Variants in GPN1 observed in about 807,000 individuals in gnomAD.
GPN1 encodes the protein GPN-loop GTPase 1.
Under a neutral mutation model 55.9 loss-of-function variants are expected in GPN1, and 44 were observed. The observed-to-expected ratio is 0.79, with a 90% CI of 0.62 to 1.01. The LOEUF (loss-of-function observed/expected upper bound fraction) is 1.01. GPN1 is among the 50% of genes least tolerant of loss of function. The probability of loss-of-function intolerance (pLI) is 0.00; values close to 1 mark genes in which losing one functional copy is unlikely to be tolerated. For synonymous variants in GPN1, 179 were observed against 162.5 expected, an observed-to-expected ratio of 1.10 and a Z score of -0.77; for missense variants, 466 against 462.8, an observed-to-expected ratio of 1.01 and a Z score of -0.06.
chr2:27,638,122 GT>G, intron 7 of GPN1, 87 bp from the exon 8 acceptor site: 2 of 745,376 alleles, frequency 2.7e-6, no homozygotes. Context: ...ACTCATTTCT[GT>G]TCTCTTACTT....
intron 13 of GPN1, among the ~76,000 whole-genome samples, chr2:27,648,675 G>T (rs1212718267): frequency 6.6e-6 from 1 of 152,128 alleles, no homozygotes; most frequent in Admixed American, 6.5e-5. Context: ...TTGCTTCATT[G>T]CCCAGGCTGG....
intron 5 of GPN1, among the ~76,000 whole-genome samples, chr2:27,633,015 T>G (rs1221125102): frequency 6.6e-6 from 1 of 152,242 alleles, no homozygotes; most frequent in Non-Finnish European, 1.5e-5. Flanking sequence ...ATGAATATAG[T>G]CTACATGGTT....
chr2:27,631,548 A>C lies in GPN1; in HGVS notation c.246-286A>C. On this transcript the variant is annotated intron_variant, in intron 3 of 13. Coordinates refer to ENST00000610189, the MANE Select transcript of GPN1 (RefSeq NM_007266.4). ...CCGGAGGTGTTATACAGGTGGCCTT[A>C]ATGACCAATGCCAGTGGGCTGTCAC... The C allele has an allele frequency of 5.7e-6, 3 of 522,038 alleles. No individual in the cohort carries two copies. The Admixed American group carries it at 1.0e-4, about 18-fold the overall frequency. 32.3% of individuals were successfully genotyped at this position (522,038 alleles called of 1,614,324 possible).
rs1439417585 is a variant in GPN1, at chr2:27,629,755, G to C, written c.112-104G>C. 4.2e-6 allele frequency: 3 copies of C among 709,676 alleles called. No homozygotes were observed. In the African/African-American group the frequency reaches 5.3e-5, roughly 13 times the overall value. The allele number at this position is 709,676 out of a possible 1,614,324, so 44.0% of individuals were successfully genotyped here. ...GACATGGTGGATATTTCAGGTAGAA[G>C]AAAATCTAAGTGCAATATTCTTAAG... On this transcript the variant is annotated intron_variant, in intron 1 of 13. Coordinates refer to ENST00000610189, the MANE Select transcript of GPN1 (RefSeq NM_007266.4).
upstream of GPN1, chr2:27,628,269 C>T: frequency 2.1e-6 from 2 of 952,150 alleles, no homozygotes; most frequent in South Asian, 1.7e-5. Flanking sequence ...TACAAAGGGT[C>T]ACAGAAACAG....
chr2:27,638,073 A>G (rs920815648), intron 7 of GPN1, 137 bp from the exon 8 acceptor site: 1 of 606,346 alleles, frequency 1.6e-6, no homozygotes, highest in African/African-American at 1.9e-5. Context: ...AGACTATATG[A>G]TGTTATGTAA....
intron 13 of GPN1, among the ~76,000 whole-genome samples, chr2:27,648,804 T>C (rs1315817812): frequency 6.6e-6 from 1 of 152,000 alleles, no homozygotes; most frequent in East Asian, 2.0e-4. Context: ...GCTGGTTAAT[T>C]TTTTATATTT....
intron 7 of GPN1, 105 bp downstream of exon 7, chr2:27,635,339 A>G: frequency 1.7e-6 from 1 of 584,706 alleles, no homozygotes; most frequent in East Asian, 2.9e-5. Context: ...TTACCCCTGG[A>G]TTTGTGCTCA....
At chr2:27,628,585 AGACTGCACCCTGCT>A, upstream of GPN1, 1 of 1,551,548 alleles carries the variant, frequency 6.4e-7, no homozygotes. Flanking sequence ...GCAACCCTGG[AGACTGCACCCTGCT>A]CCAGTCCCGG....
In GPN1 at chr2:27,650,131, T is replaced by C. The variant is rs1674455226; in HGVS notation, c.1056T>C (p.His352=). 5.6e-6 allele frequency: 9 copies of C among 1,601,276 alleles called. No individual in the cohort carries two copies. Among genetic ancestry groups the C allele is most frequent in the Non-Finnish European group, 7.7e-6 (9 of 1,168,484 alleles). Residue 352 remains histidine (H), a synonymous_variant, in exon 14 of 14, where the codon CAT becomes CAC. Transcript: ENST00000610189. The part of the protein sequence containing the change: ...DIDHRVTEES[H]EEPAFQNFMQ... ...TCCTTGCAGTTACAGAGGAAAGCCA[T>C]GAAGAGCCAGCATTCCAGAATTTTA... is the stretch of plus-strand genomic sequence containing the variant.
intron 13 of GPN1, among the ~76,000 whole-genome samples, chr2:27,648,562 C>T (rs1341980652): frequency 1.3e-5 from 2 of 152,150 alleles, no homozygotes; most frequent in Non-Finnish European, 2.9e-5. Context: ...TGGACTAAAA[C>T]AGTAAGGATA....
In GPN1 at chr2:27,635,141, C is replaced by A; in HGVS notation, c.431C>A (p.Ala144Glu). 8 of 1,564,464 alleles carry A rather than the reference C, an allele frequency of 5.1e-6. No homozygotes were observed. Among genetic ancestry groups the A allele is most frequent in the Non-Finnish European group, 7.0e-6 (8 of 1,137,658 alleles). Residue 144 changes from alanine (A) to glutamate (E), a missense_variant and splice_region_variant, in exon 7 of 14, where the codon GCA becomes GAA. Transcript: ENST00000610189. ...ASGTIITEALASSFPTVVIYV... is the reference protein window; with the variant it reads ...ASGTIITEALESSFPTVVIYV... ...GCTTTGATTTTTTTGTGGCTTTAGG[C>A]ATCCTCATTTCCAACAGTTGTCATC...
chr2:27,641,160 A>G, intron 10 of GPN1, 80 bp from the exon 11 acceptor site: 1 of 903,692 alleles, frequency 1.1e-6, no homozygotes, highest in Non-Finnish European at 1.8e-6. Context: ...CAGTCTTAGG[A>G]AAATAGAGAT....
In GPN1 at chr2:27,650,320, A is replaced by G. The variant is rs542690336; in HGVS notation, c.*120A>G. On this transcript the variant is annotated 3_prime_UTR_variant, in exon 14 of 14. Coordinates refer to ENST00000610189, the MANE Select transcript of GPN1 (RefSeq NM_007266.4). ...AAGGGATAATTTTCCTCAGAGTAGC[A>G]AAGTTTCTCTTATTAGAGAAATCTT... 11 of 568,444 alleles carry G rather than the reference A, an allele frequency of 1.9e-5. No homozygotes were observed. Among genetic ancestry groups the G allele is most frequent in the African/African-American group, 1.9e-4 (10 of 52,978 alleles). 35.2% of individuals were successfully genotyped at this position (568,444 alleles called of 1,614,324 possible).
chr2:27,645,834 A>C (rs953184035), intron 12 of GPN1, among the ~76,000 whole-genome samples: 9 of 151,308 alleles, frequency 5.9e-5, no homozygotes, highest in Non-Finnish European at 1.2e-4. Context: ...GGTTCAAGCT[A>C]TTCTCCTGCC....
In GPN1 at chr2:27,643,252, TAATACA is replaced by T. The variant is rs1674056679; in HGVS notation, c.931+738_931+743del. ...TTCAGATTTACAGAAGTTACATGAA[TAATACA>T]AATAATTGCCATAATTATTCTATCA... On this transcript the variant is annotated intron_variant, in intron 12 of 13. Coordinates refer to ENST00000610189, the MANE Select transcript of GPN1 (RefSeq NM_007266.4). The surrounding 1 kb of genome is among the most constrained non-coding windows in gnomAD (Gnocchi z 4.0). Among the ~76,000 whole-genome samples, 1 of 151,406 alleles carries T rather than the reference TAATACA, an allele frequency of 6.6e-6. No individual in the cohort carries two copies. Among genetic ancestry groups the T allele is most frequent in the Admixed American group, 6.6e-5 (1 of 15,220 alleles).
At chr2:27,638,158 G>T in intron 7 of GPN1, 52 bp from the exon 8 acceptor site, 1 of 942,000 alleles carries the variant, frequency 1.1e-6, no homozygotes, top group South Asian at 1.3e-5. Context: ...GACACTGGAT[G>T]AGCAAGAGCT....
intron 7 of GPN1, among the ~76,000 whole-genome samples, chr2:27,635,963 C>T (rs1288249248): frequency 6.6e-6 from 1 of 152,070 alleles, no homozygotes; most frequent in Admixed American, 6.5e-5. Flanking sequence ...GCCTATAATC[C>T]CAGCACTTGG....
chr2:27,631,514 G>A, intron 3 of GPN1: 1 of 460,832 alleles, frequency 2.2e-6, no homozygotes. Context: ...TTATTTATGA[G>A]GATCAGAGCC....
Sources: allele counts gnomAD v4.1 joint callset (sites outside exome capture counted in the v4.1 genomes callset), GRCh38; gene constraint gnomAD v4.1.1; non-coding constraint Gnocchi (gnomAD v3.1); transcripts MANE v1.5; gene names NCBI Gene and HGNC (gene_info 2026-07-23, HGNC 2026-07-21).